Variants in TRPM5 observed in about 807,000 individuals in gnomAD.
The protein encoded by TRPM5 is MLSN1 and TRP-related.
A neutral mutation model predicts 124.9 loss-of-function variants in TRPM5; 121 were observed. That is an observed-to-expected ratio of 0.97 (90% CI 0.84 to 1.13). The LOEUF is 1.13. Among genes scored for constraint, TRPM5 ranks in the 50% most tolerant of loss-of-function variants. The pLI, the probability that TRPM5 is intolerant of heterozygous loss-of-function variation, is 0.00. For synonymous variants in TRPM5, 781 were observed against 700.5 expected (o/e 1.11, Z -1.81); for missense variants, 1,643 against 1,589.1 (o/e 1.03, Z -0.58).
At chr11:2,427,063 A>G (rs1589878535), upstream of TRPM5, among the ~76,000 whole-genome samples, 1 of 151,994 alleles carries the variant, frequency 6.6e-6, no homozygotes, top group Non-Finnish European at 1.5e-5. Flanking sequence ...TCCTGCCCAG[A>G]CCCTCTTCCA....
At chr11:2,414,009 G>GGGGCCGCCCCCCCCCCCCCC in intron 12 of TRPM5, 52 bp downstream of exon 17, 1 of 1,023,734 alleles carries the variant, frequency 9.8e-7, no homozygotes, top group Non-Finnish European at 1.4e-6. Context: ...GGCCCAGCTC[G>GGGGCCGCCCCCCCCCCCCCC]CCCGCCCACC....
chr11:2,408,403 T>C (rs1254361088), intron 18 of TRPM5, among the ~76,000 whole-genome samples: 1 of 152,188 alleles, frequency 6.6e-6, no homozygotes, highest in Admixed American at 6.5e-5. Flanking sequence ...CTAATGCCTG[T>C]GATTAAACCC....
chr11:2,415,910 C>A, exon 8 of TRPM5: 1 of 1,572,160 alleles, frequency 6.4e-7, no homozygotes, highest in Non-Finnish European at 8.6e-7. Flanking sequence ...AGGCACCTTC[C>A]ACTCCACGTC....
exon 24 of TRPM5, chr11:2,404,903 G>T (rs1173854944): frequency 6.4e-7 from 1 of 1,561,816 alleles, no homozygotes; most frequent in Non-Finnish European, 8.8e-7. Flanking sequence ...GCCAGCTGAG[G>T]AGAGGTGGCC....
In TRPM5 at chr11:2,406,806, G is replaced by A. The variant is rs374941828; in HGVS notation, c.3119-13C>T. ...GGCAGGTCTCTCTCTGGGAAAGCCA[G>A]GTGGCAGCCAGCATTACTAGAGCAT... On this transcript the variant is annotated splice_polypyrimidine_tract_variant and intron_variant, in intron 20 of 23. Transcript: ENST00000155858. The A allele has an allele frequency of 1.9e-6, 3 of 1,607,540 alleles. No homozygotes were observed. In the African/African-American group the frequency reaches 4.0e-5, roughly 22 times the overall value.
chr11:2,409,314 G>GC (rs958498425), intron 18 of TRPM5, among the ~76,000 whole-genome samples: 6 of 152,118 alleles, frequency 3.9e-5, no homozygotes, highest in African/African-American at 1.4e-4. Flanking sequence ...GGAGGAGCGG[G>GC]CCGGGGCCAG....
rs1207253825 is a variant in TRPM5, at chr11:2,407,319, G to A, written c.2937-19C>T. ...CGTGTAGCTGCAGGGGCACAGCTGA[G>A]CCGTCACCTACCGGCTCCCCACGAC... On this transcript the variant is annotated intron_variant, in intron 19 of 23. Transcript: ENST00000155858. 1 of 1,598,514 alleles carries A rather than the reference G, an allele frequency of 6.3e-7. No individual in the cohort carries two copies. Among genetic ancestry groups the A allele is most frequent in the African/African-American group, 1.3e-5 (1 of 74,180 alleles).
chr11:2,410,429 C>CG (rs1850422110), intron 18 of TRPM5, among the ~76,000 whole-genome samples: 1 of 38,402 alleles, frequency 2.6e-5, no homozygotes, highest in Non-Finnish European at 6.4e-5. Flanking sequence ...ACCGCCTGAG[C>CG]AGTTTCCCTG....
At chr11:2,413,151 C>G in exon 14 of TRPM5, 2 of 1,553,472 alleles carry the variant, frequency 1.3e-6, no homozygotes, top group East Asian at 2.4e-5. Context: ...GCAGGCCATA[C>G]AGCGGGCTCT....
At chr11:2,419,084 C>T (rs1845730068) in intron 4 of TRPM5, among the ~76,000 whole-genome samples, 1 of 152,106 alleles carries the variant, frequency 6.6e-6, no homozygotes, top group Admixed American at 6.5e-5. Flanking sequence ...CTGGACCTGC[C>T]CCTGTCTTCT....
chr11:2,418,440 C>T, intron 5 of TRPM5, 82 bp from the exon 11 acceptor site: 3 of 1,504,414 alleles, frequency 2.0e-6, no homozygotes, highest in East Asian at 5.2e-5. Flanking sequence ...GCCCCCATCC[C>T]TTCAGCCCTG....
exon 1 of TRPM5, chr11:2,422,985 G>A (rs146860618): frequency 1.2e-5 from 20 of 1,612,920 alleles, no homozygotes; most frequent in East Asian, 4.5e-5. Context: ...AGCTCCCGCC[G>A]GTCTTCAGCA....
intron 7 of TRPM5, among the ~76,000 whole-genome samples, chr11:2,416,549 C>T (rs1304235276): frequency 6.6e-6 from 1 of 152,198 alleles, no homozygotes; most frequent in Non-Finnish European, 1.5e-5. Context: ...CCATGGACCC[C>T]GTAAGACTAC....
At chr11:2,441,098 G>T in the TRPM5 span, among the ~76,000 whole-genome samples, 1 of 152,228 alleles carries the variant, frequency 6.6e-6, no homozygotes, top group East Asian at 1.9e-4. This position sits in a 1 kb window ranked among gnomAD's most constrained non-coding sequence, Gnocchi z 7.2. Flanking sequence ...CAGCCTGAGA[G>T]CCTGAGAGGC....
chr11:2,405,954 C>A, intron 22 of TRPM5, 65 bp downstream of exon 27: 2 of 1,417,994 alleles, frequency 1.4e-6, no homozygotes, highest in Non-Finnish European at 9.9e-7. Flanking sequence ...GCTGTGGACC[C>A]ATCCCAGTAG....
intron 6 of TRPM5, 104 bp from the exon 12 acceptor site, chr11:2,417,933 A>G (rs1414675116): frequency 1.7e-6 from 2 of 1,171,016 alleles, no homozygotes; most frequent in African/African-American, 3.0e-5. Flanking sequence ...TCCCCAGGTG[A>G]GCCTTGCAGC....
chr11:2,414,530 A>G (rs1850524533), intron 11 of TRPM5, among the ~76,000 whole-genome samples, 185 bp downstream of exon 16: 1 of 152,146 alleles, frequency 6.6e-6, no homozygotes, highest in Non-Finnish European at 1.5e-5. Context: ...TCCCACACTC[A>G]GGGTCTGGGG....
exon 3 of TRPM5, chr11:2,421,074 C>A: frequency 1.3e-6 from 2 of 1,549,214 alleles, no homozygotes; most frequent in East Asian, 2.4e-5. Flanking sequence ...CGCGGCCCAG[C>A]GAGGCCATGC....
intron 12 of TRPM5, 52 bp downstream of exon 17, chr11:2,414,009 G>GGGGCGGCCCCCCCCCCCCCC: frequency 9.8e-7 from 1 of 1,023,734 alleles, no homozygotes. Flanking sequence ...GGCCCAGCTC[G>GGGGCGGCCCCCCCCCCCCCC]CCCGCCCACC....
Sources: gnomAD v4.1 joint callset for allele counts (sites outside exome capture counted in the v4.1 genomes callset) on GRCh38, gnomAD v4.1.1 for gene constraint, Gnocchi (gnomAD v3.1) non-coding constraint, MANE v1.5 for transcripts, NCBI Gene and HGNC (gene_info 2026-07-23, HGNC 2026-07-21) for gene names.